RANBP9: variants seen among roughly 807,000 people sequenced by gnomAD.
RANBP9 encodes the protein ran-binding protein 9.
In RANBP9, 15 loss-of-function variants were observed where a neutral mutation model predicts 84.3. That is an observed-to-expected ratio of 0.18 (90% CI 0.12 to 0.27). The LOEUF is 0.27. RANBP9 is among the 10% of genes least tolerant of loss of function. The pLI is 1.00. For synonymous variants in RANBP9, 392 were observed against 349.6 expected (o/e 1.12, Z -1.35); for missense variants, 809 against 912.8 (o/e 0.89, Z 1.46).
intron 7 of RANBP9, 55 bp downstream of exon 7, chr6:13,642,424 T>C: frequency 9.3e-7 from 1 of 1,070,106 alleles, no homozygotes; most frequent in Non-Finnish European, 1.3e-6. Context: ...AAAATTAAAG[T>C]AACCAAATCT....
At chr6:13,640,645 A>C (rs1321404056) in intron 8 of RANBP9, among the ~76,000 whole-genome samples, 1 of 152,226 alleles carries the variant, frequency 6.6e-6, no homozygotes, top group Non-Finnish European at 1.5e-5. Context: ...CACTAAAATA[A>C]GCCAGTAATG....
At position 13,622,278 on chromosome 6, in the gene RANBP9, A is replaced by C; in HGVS notation, c.*84T>G. On this transcript the variant is annotated 3_prime_UTR_variant, in exon 14 of 14. Coordinates refer to ENST00000011619, the MANE Select transcript of RANBP9 (RefSeq NM_005493.3). ...CTGTCCCCAGTACATAATTTAAAAAATCTAAATTTCAAATCAGCAGAGCTG... is the reference window on the plus strand; with the variant it reads ...CTGTCCCCAGTACATAATTTAAAAACTCTAAATTTCAAATCAGCAGAGCTG... 3 of 1,312,522 alleles carry C rather than the reference A, an allele frequency of 2.3e-6. No homozygotes were observed. Among genetic ancestry groups the C allele is most frequent in the Non-Finnish European group, 2.0e-6 (2 of 1,010,344 alleles). The allele number at this position is 1,312,522 out of a possible 1,614,324, so 81.3% of individuals were successfully genotyped here. A position where few individuals can be genotyped will look rare whatever the true frequency, so the allele number is the denominator to read the frequency against.
At chr6:13,636,321 C>T (rs902572939) in intron 10 of RANBP9, among the ~76,000 whole-genome samples, 1 of 152,172 alleles carries the variant, frequency 6.6e-6, no homozygotes, top group African/African-American at 2.4e-5. Flanking sequence ...ATAGTTAATA[C>T]CATCTTTGCC....
chr6:13,650,245 C>T (rs1230944848), intron 5 of RANBP9, among the ~76,000 whole-genome samples: 1 of 151,276 alleles, frequency 6.6e-6, no homozygotes, highest in African/African-American at 2.4e-5. Context: ...AAGCAGTCCT[C>T]CCACCTCAGA....
chr6:13,641,660 CTG>C (rs972018666), intron 7 of RANBP9, among the ~76,000 whole-genome samples: 1 of 152,060 alleles, frequency 6.6e-6, no homozygotes, highest in African/African-American at 2.4e-5. Flanking sequence ...GAACAAAGGA[CTG>C]AAAAATGCTA....
chr6:13,703,233 T>C (rs1211032831), intron 1 of RANBP9, among the ~76,000 whole-genome samples: 5 of 152,194 alleles, frequency 3.3e-5, no homozygotes, highest in African/African-American at 1.2e-4. Context: ...ACCATTTCTT[T>C]TGTGCTCCCT....
At chr6:13,675,163 C>G (rs1278956336) in intron 2 of RANBP9, among the ~76,000 whole-genome samples, 2 of 152,324 alleles carry the variant, frequency 1.3e-5, no homozygotes, top group African/African-American at 4.8e-5. Flanking sequence ...CATCCATCAA[C>G]TGGATTTCAT....
intron 2 of RANBP9, among the ~76,000 whole-genome samples, chr6:13,673,696 T>C (rs1765824116): frequency 1.3e-5 from 2 of 152,058 alleles, no homozygotes; most frequent in African/African-American, 2.4e-5. Context: ...TGAACTTAGA[T>C]GAGCTCTAAG....
chr6:13,622,704 G>GAT (rs2127756717), intron 13 of RANBP9, among the ~76,000 whole-genome samples: 1 of 152,256 alleles, frequency 6.6e-6, no homozygotes, highest in South Asian at 2.1e-4. Context: ...TCAACTATAA[G>GAT]ATAAACTCTG....
chr6:13,674,513 G>A (rs544081567), intron 2 of RANBP9, among the ~76,000 whole-genome samples: 66 of 152,284 alleles, frequency 4.3e-4, no homozygotes, highest in African/African-American at 1.6e-3. Context: ...AGTACTGGAG[G>A]CTATATGTGC....
At chr6:13,623,962 A>T (rs1407207205) in intron 13 of RANBP9, among the ~76,000 whole-genome samples, 1 of 152,200 alleles carries the variant, frequency 6.6e-6, no homozygotes, top group African/African-American at 2.4e-5. Context: ...AGTATCATCT[A>T]ATAATTAGGT....
intron 11 of RANBP9, chr6:13,632,838 TAAA>T (rs372574264): frequency 1.3e-4 from 16 of 121,578 alleles, no homozygotes; most frequent in Middle Eastern, 4.1e-3. Context: ...AAGCAACATT[TAAA>T]AAAAAAAAAA....
rs1318256468 is a variant in RANBP9 at position 13,682,404 on chromosome 6, AAAAAAAAAAGACTGC to A, written c.683+14366_683+14380del. On this transcript the variant is annotated intron_variant, in intron 2 of 13. Transcript: ENST00000011619. Reference sequence around the variant, plus strand: ...AAGACTGAAGCAAAATTAAAAAAAAAAAAAAAAAAGACTGCAAAAAAACATACAGTATTCAATGTT... The same window carrying A: ...AAGACTGAAGCAAAATTAAAAAAAAAAAAAAAACATACAGTATTCAATGTT... Among the ~76,000 whole-genome samples, 690 of 151,818 alleles carry A rather than the reference AAAAAAAAAAGACTGC, an allele frequency of 4.5e-3. 4 individuals are homozygous for A. Among genetic ancestry groups the A allele is most frequent in the African/African-American group, 0.016 (649 of 41,422 alleles).
At chr6:13,686,100 T>TTTCC (rs1562318248) in intron 2 of RANBP9, among the ~76,000 whole-genome samples, 1 of 6,994 alleles carries the variant, frequency 1.4e-4, no homozygotes, top group Non-Finnish European at 2.3e-4. Flanking sequence ...CAAAATTTCT[T>TTTCC]CCCCCCCCCC....
At chr6:13,679,622 A>G (rs1354414909) in intron 2 of RANBP9, among the ~76,000 whole-genome samples, 1 of 152,214 alleles carries the variant, frequency 6.6e-6, no homozygotes, top group African/African-American at 2.4e-5. Context: ...AAAATTATTT[A>G]TATTTTAATC....
rs959080233 is a variant in RANBP9, at chr6:13,698,578, T to A, written c.572-1682A>T. ...TAACTGCAGTTCTAAATCCACTGAT[T>A]TTTTAAGGGGAGTGACCCAAACTTT... is the stretch of plus-strand genomic sequence containing the variant. On this transcript the variant is annotated intron_variant, in intron 1 of 13. Coordinates refer to ENST00000011619, the MANE Select transcript of RANBP9 (RefSeq NM_005493.3). Among the ~76,000 whole-genome samples the A allele has an allele frequency of 5.3e-5, 8 of 152,332 alleles. No individual in the cohort carries two copies. In the East Asian group the frequency reaches 1.5e-3, roughly 29 times the overall value.
chr6:13,693,300 G>A (rs1766369803), intron 2 of RANBP9, among the ~76,000 whole-genome samples: 4 of 151,984 alleles, frequency 2.6e-5, no homozygotes, highest in Admixed American at 2.6e-4. Context: ...TGAGAATTAG[G>A]GATTCTTCAA....
chr6:13,626,729 T>G lies in RANBP9; in HGVS notation c.1948-965A>C, dbSNP rs150945008. On this transcript the variant is annotated intron_variant, in intron 12 of 13. Coordinates refer to ENST00000011619, the MANE Select transcript of RANBP9 (RefSeq NM_005493.3). ...ATTTGTGAGTTCAGGAACACAACAC[T>G]TTGAAAATACTGACTACTGAAATTC... is the stretch of plus-strand genomic sequence containing the variant. Among the ~76,000 whole-genome samples the G allele has an allele frequency of 2.4e-3, 372 of 152,320 alleles. 3 individuals are homozygous for G. Among genetic ancestry groups the G allele is most frequent in the African/African-American group, 8.3e-3 (343 of 41,572 alleles).
rs1393673244 is a variant in RANBP9, at chr6:13,711,147, G to A, written c.359C>T (p.Thr120Ile). ...AGPGPAGGAP[T>I]PALVAGSSAA... The stretch of plus-strand genomic sequence containing the variant: ...GCTGCTGCCCGCCACCAGAGCTGGG[G>A]TCGGGGCTCCTCCAGCCGGGCCGGG... Residue 120 changes from threonine to isoleucine, a missense_variant, in exon 1 of 14, where the codon ACC (threonine) becomes ATC (isoleucine). Coordinates refer to ENST00000011619, the MANE Select transcript of RANBP9 (RefSeq NM_005493.3). 1.4e-5 allele frequency: 22 copies of A among 1,518,832 alleles called. No homozygotes were observed. Among genetic ancestry groups the A allele is most frequent in the Non-Finnish European group, 1.8e-5 (20 of 1,135,218 alleles). The allele number at this position is 1,518,832 out of a possible 1,614,324, so 94.1% of individuals were successfully genotyped here. A position where few individuals can be genotyped will look rare whatever the true frequency, so the allele number is the denominator to read the frequency against.
Sources: allele counts gnomAD v4.1 joint callset (sites outside exome capture counted in the v4.1 genomes callset), GRCh38; gene constraint gnomAD v4.1.1; transcripts MANE v1.5; gene names NCBI Gene and HGNC (gene_info 2026-07-23, HGNC 2026-07-21).